Variants in SYN2 observed in about 807,000 individuals in gnomAD.
The protein encoded by SYN2 is synapsin II.
In SYN2, 19 loss-of-function variants were observed where a neutral mutation model predicts 50.9. That is an observed-to-expected ratio of 0.37 (90% CI 0.26 to 0.55). SYN2 has a LOEUF of 0.55. SYN2 is among the 20% of genes least tolerant of loss of function. The pLI, the probability that SYN2 is intolerant of heterozygous loss-of-function variation, is 0.81. For missense variants in SYN2, 587 were observed against 576.4 expected, an observed-to-expected ratio of 1.02 and a Z score of -0.19; for synonymous variants, 255 against 224.9, an observed-to-expected ratio of 1.13 and a Z score of -1.20.
intron 10 of SYN2, among the ~76,000 whole-genome samples, chr3:12,172,912 ACTTT>A (rs1697969447): frequency 1.3e-5 from 2 of 152,228 alleles, no homozygotes; most frequent in African/African-American, 2.4e-5. Flanking sequence ...TTTCTCAAAT[ACTTT>A]CAGCCCATGT....
chr3:12,046,630 A>G (rs1293337727), intron 1 of SYN2, among the ~76,000 whole-genome samples: 1 of 152,170 alleles, frequency 6.6e-6, no homozygotes, highest in African/African-American at 2.4e-5. Context: ...GGAAGGGAAG[A>G]GTGGATGTTC....
At chr3:12,174,982 A>G (rs1698030175) in intron 10 of SYN2, among the ~76,000 whole-genome samples, 1 of 152,144 alleles carries the variant, frequency 6.6e-6, no homozygotes. Context: ...TTATGGCTAT[A>G]TCTCTAGGGC....
At chr3:12,114,816 G>A (rs11720130) in intron 1 of SYN2, among the ~76,000 whole-genome samples, 19,580 of 152,104 alleles carry the variant, frequency 0.13, 1,282 homozygotes, top group African/African-American at 0.15. Context: ...GAAGAGAACC[G>A]TAATGTAGGT....
chr3:12,034,017 A>G (rs565941938), intron 1 of SYN2, among the ~76,000 whole-genome samples: 1 of 152,346 alleles, frequency 6.6e-6, no homozygotes, highest in Admixed American at 6.5e-5. Context: ...TTGTGTGAAC[A>G]TACGCTTTCA....
chr3:12,141,406 T>C (rs929189869), intron 2 of SYN2, among the ~76,000 whole-genome samples: 1 of 152,226 alleles, frequency 6.6e-6, no homozygotes, highest in Non-Finnish European at 1.5e-5. Context: ...TGATAAAAAT[T>C]ATTCCCATTT....
At chr3:12,090,938 T>C (rs1695811713) in intron 1 of SYN2, among the ~76,000 whole-genome samples, 1 of 152,218 alleles carries the variant, frequency 6.6e-6, no homozygotes, top group East Asian at 1.9e-4. Flanking sequence ...CATGTAAATT[T>C]GGCATTCTAT....
chr3:12,048,083 C>T (rs887556071), intron 1 of SYN2, among the ~76,000 whole-genome samples: 1 of 152,126 alleles, frequency 6.6e-6, no homozygotes, highest in Non-Finnish European at 1.5e-5. Context: ...TTTCTGTAAC[C>T]CTAAGTGAAA....
chr3:12,141,100 C>T (rs1697009383), intron 2 of SYN2, among the ~76,000 whole-genome samples: 1 of 152,128 alleles, frequency 6.6e-6, no homozygotes, highest in Non-Finnish European at 1.5e-5. Context: ...AGGTATGCTG[C>T]CCCGAGTGAT....
At chr3:12,060,921 CATATCT>C (rs1203503765) in intron 1 of SYN2, among the ~76,000 whole-genome samples, 1 of 152,110 alleles carries the variant, frequency 6.6e-6, no homozygotes, top group African/African-American at 2.4e-5. Flanking sequence ...AGATATGACA[CATATCT>C]TGGAATTAAC....
At chr3:12,049,937 CTTTTTGTTTTG>C (rs1028890296) in intron 1 of SYN2, among the ~76,000 whole-genome samples, 26 of 152,046 alleles carry the variant, frequency 1.7e-4, no homozygotes, top group Non-Finnish European at 3.4e-4. Context: ...TGTTTGTTTT[CTTTTTGTTTTG>C]TTTGTTTTTG....
At chr3:12,036,749 A>G (rs1043226130) in intron 1 of SYN2, among the ~76,000 whole-genome samples, 11 of 152,182 alleles carry the variant, frequency 7.2e-5, no homozygotes, top group African/African-American at 1.7e-4. Context: ...CAAACTGTCA[A>G]TTGGCTACAT....
At chr3:12,096,899 G>C (rs1327989787) in intron 1 of SYN2, among the ~76,000 whole-genome samples, 1 of 152,134 alleles carries the variant, frequency 6.6e-6, no homozygotes, top group African/African-American at 2.4e-5. Flanking sequence ...AGGACCTGTA[G>C]AGCACCATCA....
At chr3:12,176,066 G>T (rs1009533977) in intron 10 of SYN2, among the ~76,000 whole-genome samples, 12 of 152,292 alleles carry the variant, frequency 7.9e-5, no homozygotes, top group Admixed American at 5.9e-4. Context: ...CATGGCCAAA[G>T]CCTCCAGGCT....
chr3:12,011,721 T>G (rs1400805492), intron 1 of SYN2, among the ~76,000 whole-genome samples: 1 of 152,250 alleles, frequency 6.6e-6, no homozygotes, highest in Non-Finnish European at 1.5e-5. Context: ...CAGGTTTACA[T>G]AATCTCCTTG....
intron 1 of SYN2, among the ~76,000 whole-genome samples, chr3:12,132,549 C>G (rs1696817611): frequency 6.6e-6 from 1 of 152,104 alleles, no homozygotes; most frequent in African/African-American, 2.4e-5. Context: ...TCCTCCACAC[C>G]CATGTGTTGC....
chr3:12,083,427 G>A (rs1438379740), intron 1 of SYN2, among the ~76,000 whole-genome samples: 1 of 152,154 alleles, frequency 6.6e-6, no homozygotes, highest in East Asian at 1.9e-4. Context: ...ACTAAAATTT[G>A]AGTTTAGCTT....
intron 1 of SYN2, among the ~76,000 whole-genome samples, chr3:12,035,192 T>C (rs1574900397): frequency 6.6e-6 from 1 of 152,212 alleles, no homozygotes; most frequent in East Asian, 1.9e-4. Flanking sequence ...CTTCCTTGAT[T>C]CCATGTCCCC....
chr3:12,179,898 C>T lies in SYN2; in HGVS notation c.1309-3414C>T, dbSNP rs541579023. ...GGCAGCATCATTACAGACTGACACCCTTTGAGCCTGTCGTCACTCTGTAAA... is the reference window on the plus strand; with the variant it reads ...GGCAGCATCATTACAGACTGACACCTTTTGAGCCTGTCGTCACTCTGTAAA... On this transcript the variant is annotated intron_variant, in intron 10 of 12. Coordinates refer to ENST00000621198, the MANE Select transcript of SYN2 (RefSeq NM_133625.6). 1.4e-3 allele frequency among the ~76,000 whole-genome samples: 215 copies of T among 152,258 alleles called. 2 individuals are homozygous for T. The highest frequency in any genetic ancestry group is 0.01 in the Middle Eastern group (3 of 294).
At chr3:12,103,698 CA>C (rs1279935475) in intron 1 of SYN2, among the ~76,000 whole-genome samples, 1 of 152,010 alleles carries the variant, frequency 6.6e-6, no homozygotes, top group African/African-American at 2.4e-5. Flanking sequence ...TGGTCACAGT[CA>C]ACAATATAAT....
Sources: allele counts gnomAD v4.1 joint callset (sites outside exome capture counted in the v4.1 genomes callset), GRCh38; gene constraint gnomAD v4.1.1; transcripts MANE v1.5; gene names NCBI Gene and HGNC (gene_info 2026-07-23, HGNC 2026-07-21).